HS6ST3: variants seen among roughly 807,000 people sequenced by gnomAD.
The protein encoded by HS6ST3 is heparan sulfate 6-O-sulfotransferase 3, also known as heparan-sulfate 6-O-sulfotransferase 3.
HS6ST3 carries 12 observed loss-of-function variants against 36.7 expected under a neutral mutation model. That is an observed-to-expected ratio of 0.33 (90% CI 0.21 to 0.53). The LOEUF is 0.53. HS6ST3 is among the 20% of genes least tolerant of loss of function. The pLI is 0.95. For missense variants in HS6ST3, 584 were observed against 640.9 expected, an observed-to-expected ratio of 0.91 and a Z score of 0.96; for synonymous variants, 240 against 257.5, an observed-to-expected ratio of 0.93 and a Z score of 0.65.
chr13:96,332,094 T>G (rs1594755673), intron 1 of HS6ST3, among the ~76,000 whole-genome samples: 1 of 152,276 alleles, frequency 6.6e-6, no homozygotes, highest in East Asian at 1.9e-4. Flanking sequence ...CACTCCCTAG[T>G]GAGATGAACC....
At chr13:96,779,866 G>C (rs77773998) in intron 1 of HS6ST3, among the ~76,000 whole-genome samples, 2,357 of 152,076 alleles carry the variant, frequency 0.015, 57 homozygotes, top group African/African-American at 0.054. Flanking sequence ...ATTTCAAGTT[G>C]AGAGACTGGA....
intron 1 of HS6ST3, among the ~76,000 whole-genome samples, chr13:96,770,895 A>T (rs978564446): frequency 6.6e-6 from 1 of 152,188 alleles, no homozygotes; most frequent in African/African-American, 2.4e-5. Context: ...TAGTTAGTCC[A>T]TTGGCACAAT....
intron 1 of HS6ST3, among the ~76,000 whole-genome samples, chr13:96,727,815 G>A (rs940718887): frequency 2.0e-5 from 3 of 151,944 alleles, no homozygotes; most frequent in Non-Finnish European, 4.4e-5. Flanking sequence ...TCACCTCTCA[G>A]CCTCTTCCCA....
At chr13:96,603,157 G>A (rs1434757492) in intron 1 of HS6ST3, among the ~76,000 whole-genome samples, 1 of 152,138 alleles carries the variant, frequency 6.6e-6, no homozygotes, top group Admixed American at 6.6e-5. Flanking sequence ...GACTCTACCT[G>A]TGTAACAGCC....
chr13:96,173,431 G>T (rs886520155), intron 1 of HS6ST3, among the ~76,000 whole-genome samples: 6 of 152,074 alleles, frequency 3.9e-5, no homozygotes, highest in Middle Eastern at 3.2e-3. Flanking sequence ...ATGTCATTGT[G>T]TCTGAGCATC....
At chr13:96,232,747 G>A (rs960992829) in intron 1 of HS6ST3, among the ~76,000 whole-genome samples, 3 of 152,126 alleles carry the variant, frequency 2.0e-5, no homozygotes, top group African/African-American at 4.8e-5. Context: ...AGAAATGATC[G>A]GTACCTAAAG....
chr13:96,208,410 A>G (rs1466740461), intron 1 of HS6ST3, among the ~76,000 whole-genome samples: 1 of 152,172 alleles, frequency 6.6e-6, no homozygotes, highest in Non-Finnish European at 1.5e-5. Context: ...CTCTAGATAT[A>G]CAGGTACATA....
chr13:96,090,952 C>T lies in HS6ST3; in HGVS notation c.90C>T (p.Cys30=). Residue 30 remains cysteine, a synonymous_variant, in exon 1 of 2, where the codon TGC becomes TGT. Transcript: ENST00000376705. ...VIMYQYVSPS[C]TSSCTNFGEQ... ...TGTACCAGTACGTGTCCCCCTCCTG[C>T]ACCAGCTCCTGCACCAACTTCGGGG... 1 of 1,460,028 alleles carries T rather than the reference C, an allele frequency of 6.8e-7. No homozygotes were observed. Among genetic ancestry groups the T allele is most frequent in the Non-Finnish European group, 9.1e-7 (1 of 1,096,818 alleles). The allele number at this position is 1,460,028 out of a possible 1,614,324, so 90.4% of individuals were successfully genotyped here.
chr13:96,673,741 T>C (rs1167114128), intron 1 of HS6ST3, among the ~76,000 whole-genome samples: 1 of 152,148 alleles, frequency 6.6e-6, no homozygotes, highest in Non-Finnish European at 1.5e-5. Context: ...TTATCTCTTC[T>C]AACCCTTCTG....
chr13:96,541,557 A>T (rs770951956), intron 1 of HS6ST3, among the ~76,000 whole-genome samples: 14 of 152,224 alleles, frequency 9.2e-5, no homozygotes, highest in Non-Finnish European at 2.1e-4. Flanking sequence ...AGCAAAATTG[A>T]AATGACTATA....
At chr13:96,458,866 C>A (rs2055767454) in intron 1 of HS6ST3, among the ~76,000 whole-genome samples, 1 of 151,766 alleles carries the variant, frequency 6.6e-6, no homozygotes, top group South Asian at 2.1e-4. Flanking sequence ...CTTTGGGAGG[C>A]CAATGGGGGT....
At chr13:96,155,941 G>GGCTCAGGCA (rs1180892228) in intron 1 of HS6ST3, among the ~76,000 whole-genome samples, 6 of 152,080 alleles carry the variant, frequency 3.9e-5, no homozygotes, top group Admixed American at 6.5e-5. Context: ...ACCTTCGAAA[G>GGCTCAGGCA]GCTCAGGCAC....
intron 1 of HS6ST3, among the ~76,000 whole-genome samples, chr13:96,413,792 G>T (rs925839561): frequency 1.4e-4 from 22 of 152,326 alleles, no homozygotes; most frequent in African/African-American, 5.3e-4. Flanking sequence ...TCTGGAACCT[G>T]ATGACACCTA....
chr13:96,173,194 T>G (rs901866207), intron 1 of HS6ST3, among the ~76,000 whole-genome samples: 1 of 152,154 alleles, frequency 6.6e-6, no homozygotes, highest in Non-Finnish European at 1.5e-5. Context: ...ATATGTCATT[T>G]TAGATAGTCA....
intron 1 of HS6ST3, among the ~76,000 whole-genome samples, chr13:96,702,742 C>A (rs960706970): frequency 2.0e-5 from 3 of 152,158 alleles, no homozygotes; most frequent in African/African-American, 7.2e-5. Context: ...TGGATTTAAA[C>A]CTCTTTAAGG....
rs1323942385 is a variant in HS6ST3, at chr13:96,837,698, G to T, written c.*4500G>T. On this transcript the variant is annotated 3_prime_UTR_variant, in exon 2 of 2. Coordinates refer to ENST00000376705, the MANE Select transcript of HS6ST3 (RefSeq NM_153456.4). ...CCAAGAGATGGGCGGTGCTGCAGGG[G>T]AGACCAAAACTCAGAGGAGGCATTC... 1 of 152,090 alleles carries T rather than the reference G, an allele frequency of 6.6e-6. No homozygotes were observed. The highest frequency in any genetic ancestry group is 2.4e-5 in the African/African-American group (1 of 41,414). 9.4% of individuals were successfully genotyped at this position (152,090 alleles called of 1,614,324 possible).
intron 1 of HS6ST3, among the ~76,000 whole-genome samples, chr13:96,218,717 G>A (rs550724819): frequency 1.4e-4 from 22 of 152,264 alleles, no homozygotes; most frequent in African/African-American, 5.1e-4. Context: ...ACTCTGTCTT[G>A]ATCTAGTGGA....
intron 1 of HS6ST3, among the ~76,000 whole-genome samples, chr13:96,262,762 A>G (rs1233411924): frequency 6.6e-6 from 1 of 152,190 alleles, no homozygotes; most frequent in East Asian, 1.9e-4. Context: ...AGAACTAATC[A>G]GAAGTGACAT....
At chr13:96,596,117 T>C (rs1034818471) in intron 1 of HS6ST3, among the ~76,000 whole-genome samples, 8 of 152,148 alleles carry the variant, frequency 5.3e-5, no homozygotes, top group African/African-American at 1.9e-4. Flanking sequence ...CCCTTGTGAA[T>C]CTCCAGTGTT....
Sources: gnomAD v4.1 joint callset for allele counts (sites outside exome capture counted in the v4.1 genomes callset) on GRCh38, gnomAD v4.1.1 for gene constraint, MANE v1.5 for transcripts, NCBI Gene and HGNC (gene_info 2026-07-23, HGNC 2026-07-21) for gene names.